CADM2: variants seen among roughly 807,000 people sequenced by gnomAD.
CADM2 encodes immunoglobulin superfamily member 4D.
A neutral mutation model predicts 49.8 loss-of-function variants in CADM2; 12 were observed. The observed-to-expected ratio is 0.24, with a 90% CI of 0.15 to 0.39. The LOEUF (loss-of-function observed/expected upper bound fraction) is 0.39, where lower values mean the gene tolerates loss of function less well. CADM2 is among the 10% of genes least tolerant of loss of function. The pLI is 1.00. For synonymous variants in CADM2, 214 were observed against 175.4 expected (o/e 1.22, Z -1.74); for missense variants, 378 against 492.3 (o/e 0.77, Z 2.20).
At chr3:85,048,992 A>G (rs1559634513) in intron 1 of CADM2, among the ~76,000 whole-genome samples, 1 of 152,166 alleles carries the variant, frequency 6.6e-6, no homozygotes, top group Non-Finnish European at 1.5e-5. Context: ...TATTAGGGGA[A>G]AAATAATGGA....
At chr3:85,175,282 C>T (rs1240415205) in intron 1 of CADM2, among the ~76,000 whole-genome samples, 4 of 152,040 alleles carry the variant, frequency 2.6e-5, no homozygotes, top group African/African-American at 9.7e-5. Context: ...ATGCACCCCC[C>T]GAAAAGTGAA....
chr3:85,710,888 C>T (rs747352532), intron 1 of CADM2, among the ~76,000 whole-genome samples: 1 of 152,032 alleles, frequency 6.6e-6, no homozygotes, highest in South Asian at 2.1e-4. Flanking sequence ...GACCTGATAA[C>T]CTTTGATGGT....
At chr3:85,014,174 GTAA>G (rs749043988) in intron 1 of CADM2, among the ~76,000 whole-genome samples, 2 of 143,728 alleles carry the variant, frequency 1.4e-5, no homozygotes, top group South Asian at 4.3e-4. Flanking sequence ...TATACGCAGT[GTAA>G]TAATATTGTA....
At chr3:85,217,775 T>C (rs2107785486) in intron 1 of CADM2, among the ~76,000 whole-genome samples, 1 of 152,186 alleles carries the variant, frequency 6.6e-6, no homozygotes, top group Non-Finnish European at 1.5e-5. Flanking sequence ...CATAAGAAAC[T>C]GGGTTTAATG....
chr3:85,272,640 A>G (rs2043267914), intron 1 of CADM2, among the ~76,000 whole-genome samples: 1 of 151,370 alleles, frequency 6.6e-6, no homozygotes. Context: ...CTAGAACAGA[A>G]CTACTAAAAA....
chr3:85,162,781 A>C (rs914542153), intron 1 of CADM2, among the ~76,000 whole-genome samples: 7 of 151,946 alleles, frequency 4.6e-5, no homozygotes, highest in African/African-American at 1.7e-4. Flanking sequence ...CACAACAGAA[A>C]TATTTTCTAC....
intron 1 of CADM2, among the ~76,000 whole-genome samples, chr3:85,422,160 CAT>C (rs1171720376): frequency 1.6e-5 from 2 of 121,768 alleles, no homozygotes; most frequent in Non-Finnish European, 3.7e-5. Context: ...ACATGAACCA[CAT>C]ATGGATTTTA....
intron 8 of CADM2, among the ~76,000 whole-genome samples, chr3:86,054,765 C>T (rs960095939): frequency 2.5e-4 from 38 of 151,258 alleles, no homozygotes; most frequent in Non-Finnish European, 3.8e-4. Flanking sequence ...TACTCTTAGG[C>T]GAAAATAATT....
intron 1 of CADM2, among the ~76,000 whole-genome samples, chr3:85,088,964 T>A (rs751970539): frequency 2.6e-5 from 4 of 152,104 alleles, no homozygotes; most frequent in African/African-American, 4.8e-5. Context: ...ACGGGAAGTA[T>A]ATAAGACACC....
intron 7 of CADM2, among the ~76,000 whole-genome samples, chr3:85,945,364 T>C (rs140963980): frequency 6.6e-6 from 1 of 152,110 alleles, no homozygotes; most frequent in African/African-American, 2.4e-5. Context: ...GAGGAGCTGG[T>C]ACTATTCCTT....
chr3:86,020,268 T>C (rs1396285212), intron 8 of CADM2, among the ~76,000 whole-genome samples: 4 of 150,920 alleles, frequency 2.7e-5, no homozygotes, highest in Admixed American at 6.6e-5. Flanking sequence ...ACACATACAC[T>C]CTCCCAAGAC....
chr3:85,267,032 A>G (rs1474970131), intron 1 of CADM2, among the ~76,000 whole-genome samples: 3 of 151,900 alleles, frequency 2.0e-5, no homozygotes, highest in African/African-American at 7.2e-5. Flanking sequence ...AGAATAACAT[A>G]TTTAGAGAAA....
rs186744649 is a variant in CADM2, at chr3:85,408,685, C to T, written c.62-317837C>T. 9.9e-5 allele frequency among the ~76,000 whole-genome samples: 15 copies of T among 152,226 alleles called. No homozygotes were observed. The East Asian group carries it at 1.4e-3, about 14-fold the overall frequency. ...AAAGTCGGAGATGCTCTCTCTGCAG[C>T]GGGGGTTAGGCCTTCTTTTGTATCT... On this transcript the variant is annotated intron_variant, in intron 1 of 9. Transcript: ENST00000383699.
intron 1 of CADM2, among the ~76,000 whole-genome samples, chr3:85,118,356 C>G (rs2038718418): frequency 6.6e-6 from 1 of 152,040 alleles, no homozygotes; most frequent in Non-Finnish European, 1.5e-5. Flanking sequence ...TGTTTTCACG[C>G]TGCTGATAAA....
intron 1 of CADM2, among the ~76,000 whole-genome samples, chr3:85,007,550 G>A (rs749211122): frequency 7.9e-5 from 12 of 152,130 alleles, no homozygotes; most frequent in Non-Finnish European, 1.5e-4. Flanking sequence ...AAGTAAAGAC[G>A]TCCAAAGGAT....
intron 2 of CADM2, among the ~76,000 whole-genome samples, chr3:85,768,463 AAATAAAT>A (rs1436889818): frequency 2.9e-5 from 3 of 103,260 alleles, no homozygotes; most frequent in African/African-American, 9.5e-5. Flanking sequence ...ATAAATAAAT[AAATAAAT>A]AATAAATAAA....
chr3:85,077,730 TTCAATTTTG>T (rs1459349503), intron 1 of CADM2, among the ~76,000 whole-genome samples: 2 of 152,120 alleles, frequency 1.3e-5, no homozygotes. Context: ...ATATATTTAA[TTCAATTTTG>T]ACATAAAACT....
intron 3 of CADM2, among the ~76,000 whole-genome samples, chr3:85,839,869 C>T (rs1032164041): frequency 6.6e-6 from 1 of 151,740 alleles, no homozygotes; most frequent in Non-Finnish European, 1.5e-5. Context: ...TTTATCATTG[C>T]CATCTGAGAG....
chr3:85,460,801 A>G (rs1475730678), intron 1 of CADM2, among the ~76,000 whole-genome samples: 1 of 151,672 alleles, frequency 6.6e-6, no homozygotes, highest in Non-Finnish European at 1.5e-5. Context: ...CTTGAAAGGT[A>G]GGTGAGGAAA....
Sources: allele counts gnomAD v4.1 joint callset (sites outside exome capture counted in the v4.1 genomes callset), GRCh38; gene constraint gnomAD v4.1.1; transcripts MANE v1.5; gene names NCBI Gene and HGNC (gene_info 2026-07-23, HGNC 2026-07-21).